CACNA2D1: variants seen among roughly 807,000 people sequenced by gnomAD.
The protein encoded by CACNA2D1 is voltage-dependent calcium channel subunit alpha-2/delta-1.
Under a neutral mutation model 171.5 loss-of-function variants are expected in CACNA2D1, and 53 were observed. That is an observed-to-expected ratio of 0.31 (90% confidence interval 0.25 to 0.39). The LOEUF (loss-of-function observed/expected upper bound fraction) is 0.39. Ranked by LOEUF, CACNA2D1 falls within the 10% of genes least tolerant of loss-of-function variation. CACNA2D1 has a pLI of 1.00. For missense variants in CACNA2D1, 903 were observed against 1,299.8 expected, an observed-to-expected ratio of 0.69 and a Z score of 4.69; for synonymous variants, 442 against 443.1, an observed-to-expected ratio of 1.00 and a Z score of 0.03.
chr7:82,046,738 A>G (rs564467490), intron 10 of CACNA2D1, among the ~76,000 whole-genome samples: 1 of 152,284 alleles, frequency 6.6e-6, no homozygotes. Flanking sequence ...ATGGAATACA[A>G]TTCCCTATAA....
chr7:82,177,921 A>T (rs1265947858), intron 3 of CACNA2D1, among the ~76,000 whole-genome samples: 2 of 152,136 alleles, frequency 1.3e-5, no homozygotes, highest in African/African-American at 2.4e-5. Flanking sequence ...CACATTACAG[A>T]TAAATCTTAT....
At position 81,947,066 on chromosome 7, in the gene CACNA2D1, C is replaced by T. The variant is rs1375785763; in HGVS notation, c.*3326G>A. The T allele has an allele frequency of 6.6e-6, 1 of 151,788 alleles. No homozygotes were observed. The highest frequency in any genetic ancestry group is 2.4e-5 in the African/African-American group (1 of 41,352). 9.4% of individuals were successfully genotyped at this position (151,788 alleles called of 1,614,324 possible). ...TTTGTTTCACTAGGTCAGACTATAC[C>T]ATTAAACATTTGAACGTCTAACATG... On this transcript the variant is annotated 3_prime_UTR_variant, in exon 39 of 39. Coordinates refer to ENST00000356860, the MANE Select transcript of CACNA2D1 (RefSeq NM_000722.4).
intron 2 of CACNA2D1, among the ~76,000 whole-genome samples, chr7:82,348,906 C>T (rs1202249605): frequency 1.3e-5 from 2 of 152,066 alleles, no homozygotes; most frequent in Non-Finnish European, 2.9e-5. Flanking sequence ...ATAAATCTTA[C>T]AGAACCTATA....
chr7:82,365,925 G>T (rs958570295), intron 1 of CACNA2D1, among the ~76,000 whole-genome samples: 1 of 152,116 alleles, frequency 6.6e-6, no homozygotes, highest in Non-Finnish European at 1.5e-5. Flanking sequence ...AGCTACTACT[G>T]GGAGGAGGTC....
At chr7:82,120,037 G>A (rs2129056521) in intron 5 of CACNA2D1, among the ~76,000 whole-genome samples, 1 of 152,202 alleles carries the variant, frequency 6.6e-6, no homozygotes, top group Non-Finnish European at 1.5e-5. Flanking sequence ...TTAAAAATGA[G>A]CCTGGCATCG....
chr7:82,016,469 CAAGT>C (rs568527410), intron 12 of CACNA2D1, among the ~76,000 whole-genome samples: 2 of 151,900 alleles, frequency 1.3e-5, no homozygotes, highest in Admixed American at 6.6e-5. Context: ...AAAAAATAAA[CAAGT>C]AAGACTATAT....
intron 4 of CACNA2D1, among the ~76,000 whole-genome samples, chr7:82,149,334 C>G (rs1299475655): frequency 3.3e-5 from 5 of 152,096 alleles, no homozygotes; most frequent in Admixed American, 3.3e-4. Flanking sequence ...GACACTGAGA[C>G]TAGGATTTGA....
chr7:82,290,291 C>A (rs1455655468), intron 3 of CACNA2D1, among the ~76,000 whole-genome samples: 3 of 151,966 alleles, frequency 2.0e-5, no homozygotes, highest in Middle Eastern at 3.2e-3. Context: ...GAGGAGGAGG[C>A]ATTAATTGTT....
intron 3 of CACNA2D1, among the ~76,000 whole-genome samples, chr7:82,225,292 G>T (rs1802237097): frequency 6.6e-6 from 1 of 152,074 alleles, no homozygotes; most frequent in Non-Finnish European, 1.5e-5. Flanking sequence ...CCTGACAAAG[G>T]TAGCTGAATA....
chr7:82,304,226 C>G (rs1585412586), intron 3 of CACNA2D1, among the ~76,000 whole-genome samples: 1 of 151,784 alleles, frequency 6.6e-6, no homozygotes, highest in African/African-American at 2.4e-5. Flanking sequence ...AAAGAGAACT[C>G]TTATATACTT....
At chr7:82,309,806 G>A (rs1814203749) in intron 3 of CACNA2D1, among the ~76,000 whole-genome samples, 1 of 152,142 alleles carries the variant, frequency 6.6e-6, no homozygotes, top group East Asian at 1.9e-4. Context: ...TATGGATCCA[G>A]GACCCAGATA....
Position 82,005,947 on chromosome 7 carries a change from G to A in CACNA2D1, c.1441-108C>T, listed in dbSNP as rs1282428887. 3 of 751,060 alleles carry A rather than the reference G, an allele frequency of 4.0e-6. No individual in the cohort carries two copies. The East Asian group carries it at 7.7e-5, about 19-fold the overall frequency. The allele number at this position is 751,060 out of a possible 1,614,324, so 46.5% of individuals were successfully genotyped here. ...TGCATTATGGTTATATTCCACATTA[G>A]TTTAAATGTATATATAGGGTGAAGC... On this transcript the variant is annotated intron_variant, in intron 16 of 38. Coordinates refer to ENST00000356860, the MANE Select transcript of CACNA2D1 (RefSeq NM_000722.4).
intron 4 of CACNA2D1, among the ~76,000 whole-genome samples, chr7:82,164,052 G>A (rs966293958): frequency 2.0e-5 from 3 of 151,856 alleles, no homozygotes; most frequent in African/African-American, 7.3e-5. Flanking sequence ...AAAATCTGAA[G>A]TAGATTTGCA....
intron 6 of CACNA2D1, among the ~76,000 whole-genome samples, chr7:82,108,831 G>C (rs75530395): frequency 0.081 from 12,365 of 152,122 alleles, 596 homozygotes; most frequent in South Asian, 0.16. Flanking sequence ...GGTCAAATTA[G>C]CCTAGCTTAA....
intron 3 of CACNA2D1, among the ~76,000 whole-genome samples, chr7:82,229,581 C>T (rs1802688112): frequency 6.6e-6 from 1 of 152,106 alleles, no homozygotes; most frequent in African/African-American, 2.4e-5. Flanking sequence ...ACCTAGTTCA[C>T]CTCCTAGGTG....
intron 7 of CACNA2D1, among the ~76,000 whole-genome samples, chr7:82,081,751 C>T (rs1258500193): frequency 1.3e-5 from 2 of 152,190 alleles, no homozygotes; most frequent in African/African-American, 4.8e-5. Context: ...TCCGGGTTCA[C>T]CGCAGGAGAC....
In CACNA2D1 at chr7:82,207,714, A is replaced by T. The variant is rs567067346; in HGVS notation, c.295-37105T>A. Among the ~76,000 whole-genome samples the T allele has an allele frequency of 1.5e-3, 226 of 152,316 alleles. 3 individuals carry two copies. Among genetic ancestry groups the T allele is most frequent in the African/African-American group, 5.2e-3 (217 of 41,574 alleles). On this transcript the variant is annotated intron_variant, in intron 3 of 38. Coordinates refer to ENST00000356860, the MANE Select transcript of CACNA2D1 (RefSeq NM_000722.4). ...GAAGAAAAAGAAGCTGGTACTTAGT[A>T]GGAATTTAATAACCTCTTTAGGTTT... is the stretch of plus-strand genomic sequence containing the variant.
intron 6 of CACNA2D1, among the ~76,000 whole-genome samples, chr7:82,099,931 G>A (rs571126402): frequency 7.2e-5 from 11 of 152,284 alleles, no homozygotes; most frequent in African/African-American, 2.2e-4. Flanking sequence ...ACTGAGGCCT[G>A]TCAGGGGGTA....
intron 5 of CACNA2D1, among the ~76,000 whole-genome samples, chr7:82,126,286 C>T (rs979312214): frequency 2.0e-5 from 3 of 152,130 alleles, no homozygotes; most frequent in African/African-American, 7.2e-5. Flanking sequence ...AGCAATTGTA[C>T]ATGTATGCCT....
Sources: allele counts gnomAD v4.1 joint callset (sites outside exome capture counted in the v4.1 genomes callset), GRCh38; gene constraint gnomAD v4.1.1; transcripts MANE v1.5; gene names NCBI Gene and HGNC (gene_info 2026-07-23, HGNC 2026-07-21).